IL1RAPL2: variants seen among roughly 807,000 people sequenced by gnomAD.
The protein encoded by IL1RAPL2 is interleukin 1 receptor accessory protein like 2.
IL1RAPL2 carries 3 observed loss-of-function variants against 44.1 expected under a neutral mutation model. The observed-to-expected ratio is 0.07, with a 90% CI of 0.03 to 0.18. The LOEUF (loss-of-function observed/expected upper bound fraction) is 0.18, where lower values mean the gene tolerates loss of function less well. IL1RAPL2 is among the 10% of genes least tolerant of loss of function. The pLI is 1.00. For missense variants in IL1RAPL2, 391 were observed against 496.4 expected (o/e 0.79, Z 2.02); for synonymous variants, 181 against 178.8 (o/e 1.01, Z -0.10).
intron 1 of IL1RAPL2, among the ~76,000 whole-genome samples, chrX:104,611,522 A>G (rs1336850490): frequency 9.0e-6 from 1 of 110,983 alleles, no homozygotes; most frequent in African/African-American, 3.3e-5. Context: ...TCCCAGGTTG[A>G]TTTCAGACTG....
chrX:105,058,957 T>C, intron 2 of IL1RAPL2, among the ~76,000 whole-genome samples: 1 of 111,302 alleles, frequency 9.0e-6, no homozygotes, highest in Non-Finnish European at 1.9e-5. Flanking sequence ...CCTCTTGCAG[T>C]CAAAAATCCA....
intron 2 of IL1RAPL2, among the ~76,000 whole-genome samples, chrX:104,719,866 T>G (rs1220688076): frequency 2.7e-5 from 3 of 111,643 alleles, no homozygotes; most frequent in African/African-American, 9.7e-5. Flanking sequence ...CACCGCATAA[T>G]GTCCCTGATT....
intron 5 of IL1RAPL2, among the ~76,000 whole-genome samples, chrX:105,305,872 G>A (rs745599998): frequency 9.0e-6 from 1 of 111,296 alleles, no homozygotes; most frequent in South Asian, 3.7e-4. Flanking sequence ...CTTTCTCCCC[G>A]TCATTATTGT....
At chrX:104,909,604 G>A (rs1022488613) in intron 2 of IL1RAPL2, among the ~76,000 whole-genome samples, 35 of 111,673 alleles carry the variant, frequency 3.1e-4, no homozygotes, top group Admixed American at 1.4e-3. Context: ...TCCCCTTGCC[G>A]TGTGAGGTGT....
intron 2 of IL1RAPL2, among the ~76,000 whole-genome samples, chrX:104,949,202 G>T (rs1212085054): frequency 1.8e-5 from 2 of 108,178 alleles, no homozygotes; most frequent in Non-Finnish European, 3.9e-5. Context: ...TAGTTTATTT[G>T]CGTAGAGGTG....
chrX:105,041,076 G>T (rs1403901920), intron 2 of IL1RAPL2, among the ~76,000 whole-genome samples: 1 of 102,852 alleles, frequency 9.7e-6, no homozygotes, highest in Non-Finnish European at 2.0e-5. Flanking sequence ...CTGGTATGTT[G>T]TGTCTTTGTT....
intron 8 of IL1RAPL2, among the ~76,000 whole-genome samples, chrX:105,748,398 G>A (rs1358672952): frequency 2.7e-5 from 3 of 111,741 alleles, no homozygotes; most frequent in Admixed American, 1.9e-4. Context: ...AAATAAGTAG[G>A]GGAAATGGAT....
chrX:105,102,629 A>G, intron 2 of IL1RAPL2, among the ~76,000 whole-genome samples: 1 of 112,003 alleles, frequency 8.9e-6, no homozygotes, highest in Non-Finnish European at 1.9e-5. Flanking sequence ...TGATTGAAAC[A>G]TAAACACATG....
chrX:104,728,185 T>A (rs1227986010), intron 2 of IL1RAPL2, among the ~76,000 whole-genome samples: 1 of 111,665 alleles, frequency 9.0e-6, no homozygotes, highest in Non-Finnish European at 1.9e-5. Context: ...ATCTAGAACT[T>A]CTGTACTGAA....
At chrX:105,638,541 T>C (rs759956392) in intron 6 of IL1RAPL2, among the ~76,000 whole-genome samples, 3 of 111,865 alleles carry the variant, frequency 2.7e-5, no homozygotes, top group East Asian at 5.6e-4. Flanking sequence ...GGACTCCTTT[T>C]AGAGATTCCT....
At chrX:105,338,474 T>G (rs1270693470) in intron 5 of IL1RAPL2, among the ~76,000 whole-genome samples, 6 of 112,226 alleles carry the variant, frequency 5.3e-5, no homozygotes. Context: ...AATCTTCATC[T>G]AGCCTCAGAC....
At chrX:105,221,317 A>G (rs1285673782) in intron 3 of IL1RAPL2, among the ~76,000 whole-genome samples, 7 of 110,415 alleles carry the variant, frequency 6.3e-5, no homozygotes, top group Non-Finnish European at 9.5e-5. Flanking sequence ...ACAGACACAT[A>G]CAATCAGAAT....
intron 1 of IL1RAPL2, among the ~76,000 whole-genome samples, chrX:104,605,081 A>T (rs1017939228): frequency 8.9e-6 from 1 of 111,861 alleles, no homozygotes; most frequent in African/African-American, 3.2e-5. Flanking sequence ...AAACACTCCT[A>T]AGCAAATGTA....
rs1391218665 is a variant in IL1RAPL2 at position 105,521,321 on chromosome X, G to A, written c.772+36934G>A. 2.7e-5 allele frequency among the ~76,000 whole-genome samples: 3 copies of A among 110,071 alleles called. No individual in the cohort carries two copies. In the Admixed American group the frequency reaches 2.9e-4, roughly 11 times the overall value. On this transcript the variant is annotated intron_variant, in intron 6 of 10. Coordinates refer to ENST00000372582, the MANE Select transcript of IL1RAPL2 (RefSeq NM_017416.2). ...TTGCAAGCTGCATTAAATGGGTCAT[G>A]TACTCACATGGGGATCTGGAGAGAA...
intron 2 of IL1RAPL2, among the ~76,000 whole-genome samples, chrX:105,018,727 G>C (rs1040419187): frequency 1.3e-4 from 14 of 111,356 alleles, no homozygotes; most frequent in Non-Finnish European, 2.3e-4. Context: ...TATTACCTTA[G>C]TCCATTAGAT....
chrX:105,565,218 C>T (rs1346979808), intron 6 of IL1RAPL2, among the ~76,000 whole-genome samples: 1 of 111,244 alleles, frequency 9.0e-6, no homozygotes, highest in Non-Finnish European at 1.9e-5. Flanking sequence ...TTTTAGAATG[C>T]TCTCTAGACC....
intron 2 of IL1RAPL2, among the ~76,000 whole-genome samples, chrX:104,954,144 G>A (rs1925653478): frequency 8.9e-6 from 1 of 112,216 alleles, no homozygotes; most frequent in South Asian, 3.7e-4. Flanking sequence ...TGGTTGCAAA[G>A]AAAAACTGCG....
chrX:104,909,670 C>T (rs1208746825), intron 2 of IL1RAPL2, among the ~76,000 whole-genome samples: 1 of 112,058 alleles, frequency 8.9e-6, no homozygotes, highest in Non-Finnish European at 1.9e-5. Context: ...GGTCAGGGGT[C>T]AGGCACCCAC....
At chrX:105,406,475 A>G in intron 5 of IL1RAPL2, 1 of 1,200,345 alleles carries the variant, frequency 8.3e-7, no homozygotes, top group Non-Finnish European at 1.1e-6. Flanking sequence ...TCATTCACCA[A>G]TATCCCGAAA....
Sources: gnomAD v4.1 joint callset for allele counts (sites outside exome capture counted in the v4.1 genomes callset) on GRCh38, gnomAD v4.1.1 for gene constraint, MANE v1.5 for transcripts, NCBI Gene and HGNC (gene_info 2026-07-23, HGNC 2026-07-21) for gene names.